SLC25A46: variants seen among roughly 807,000 people sequenced by gnomAD.
The protein encoded by SLC25A46 is solute carrier family 25 member 46.
In SLC25A46, 39 loss-of-function variants were observed where a neutral mutation model predicts 44.6. The observed-to-expected ratio is 0.87, with a 90% CI of 0.68 to 1.14. The LOEUF (loss-of-function observed/expected upper bound fraction) is 1.14, where lower values mean the gene tolerates loss of function less well. Among genes scored for constraint, SLC25A46 ranks in the 50% most tolerant of loss-of-function variants. SLC25A46 has a pLI of 0.00. For synonymous variants in SLC25A46, 202 were observed against 185.8 expected, an observed-to-expected ratio of 1.09 and a Z score of -0.71; for missense variants, 547 against 522.7, an observed-to-expected ratio of 1.05 and a Z score of -0.45.
In SLC25A46 at chr5:110,761,231, A is replaced by AT; in HGVS notation, c.710dup (p.Leu237PhefsTer5). On this transcript the variant is annotated frameshift_variant, in exon 8 of 8. Coordinates refer to ENST00000355943, the MANE Select transcript of SLC25A46 (RefSeq NM_138773.4). LOFTEE classifies it high-confidence loss of function. The surrounding 1 kb of genome is among the most constrained non-coding windows in gnomAD (Gnocchi z 5.3). ...TGAGATAATTCGAGATAATACTGGC[A>AT]TTTTGGAGTGTGTTAAAGAAGGAAT... 6.2e-7 allele frequency: 1 copy of AT among 1,608,268 alleles called. No individual in the cohort carries two copies. Among genetic ancestry groups the AT allele is most frequent in the Non-Finnish European group, 8.5e-7 (1 of 1,178,208 alleles).
chr5:110,744,355 A>G (rs947030493), intron 3 of SLC25A46, among the ~76,000 whole-genome samples: 3 of 152,202 alleles, frequency 2.0e-5, no homozygotes, highest in Non-Finnish European at 4.4e-5. Flanking sequence ...GTGAAATCAG[A>G]AATCATTTTA....
intron 7 of SLC25A46, among the ~76,000 whole-genome samples, chr5:110,758,853 A>G (rs1228757259): frequency 6.6e-6 from 1 of 152,132 alleles, no homozygotes; most frequent in Non-Finnish European, 1.5e-5. Context: ...CAATACTCAT[A>G]CAAGATTGTT....
chr5:110,758,019 G>A (rs1249253367), intron 7 of SLC25A46, among the ~76,000 whole-genome samples: 1 of 152,142 alleles, frequency 6.6e-6, no homozygotes, highest in African/African-American at 2.4e-5. Flanking sequence ...GGCTCACTAT[G>A]TGATAGGGTT....
At chr5:110,741,912 ATTTGAC>A in intron 1 of SLC25A46, 129 bp from the exon 2 acceptor site, 1 of 630,954 alleles carries the variant, frequency 1.6e-6, no homozygotes, top group Non-Finnish European at 2.7e-6. Flanking sequence ...CCCTATCAGA[ATTTGAC>A]TTTGAGGTTT....
chr5:110,750,893 A>G (rs1472518799), intron 5 of SLC25A46, among the ~76,000 whole-genome samples: 3 of 152,162 alleles, frequency 2.0e-5, no homozygotes, highest in Admixed American at 6.5e-5. Flanking sequence ...TGAAGGAATA[A>G]CATTAATTTC....
rs553250356 is a variant in SLC25A46 at position 110,739,746 on chromosome 5, TTTAA to T, written c.283+358_283+361del. Among the ~76,000 whole-genome samples, 247 of 152,226 alleles carry T rather than the reference TTTAA, an allele frequency of 1.6e-3. 4 individuals carry two copies. The highest frequency in any genetic ancestry group is 0.012 in the South Asian group (59 of 4,824). ...CACTTTGGCAGCTCTATTTTCTTGA[TTTAA>T]TTAATTAATTAATGTGTTTACTTGT... On this transcript the variant is annotated intron_variant, in intron 1 of 7. Transcript: ENST00000355943.
chr5:110,740,869 G>A (rs1057466306), intron 1 of SLC25A46, among the ~76,000 whole-genome samples: 1 of 152,116 alleles, frequency 6.6e-6, no homozygotes, highest in Non-Finnish European at 1.5e-5. Context: ...GGAGAATGGC[G>A]TGAACCCGGG....
In SLC25A46 at chr5:110,761,398, G is replaced by T; in HGVS notation, c.873G>T (p.Lys291Asn). 6.2e-7 allele frequency: 1 copy of T among 1,613,700 alleles called. No homozygotes were observed. The highest frequency in any genetic ancestry group is 1.1e-5 in the South Asian group (1 of 91,070). ...AGAAGTTTGTCCTACTAATTCTAAA[G>T]AGAAAGACTTACAATAGCCACCTAG... ...VIQKFVLLILKRKTYNSHLAE... is the reference protein window; with the variant it reads ...VIQKFVLLILNRKTYNSHLAE... The change falls in exon 8 of 8, where the codon AAG becomes AAT. Residue 291 changes from lysine to asparagine, a missense_variant. Coordinates refer to ENST00000355943, the MANE Select transcript of SLC25A46 (RefSeq NM_138773.4). This position sits in a 1 kb window ranked among gnomAD's most constrained non-coding sequence, Gnocchi z 5.3.
At chr5:110,744,160 A>G (rs1479897646) in intron 3 of SLC25A46, among the ~76,000 whole-genome samples, 1 of 152,176 alleles carries the variant, frequency 6.6e-6, no homozygotes, top group Non-Finnish European at 1.5e-5. Context: ...TTTCTCTCGT[A>G]TGCTTCTGCA....
At chr5:110,759,932 C>CA (rs1800206875) in intron 7 of SLC25A46, among the ~76,000 whole-genome samples, 1 of 152,092 alleles carries the variant, frequency 6.6e-6, no homozygotes, top group Non-Finnish European at 1.5e-5. Context: ...CTCCTCCACT[C>CA]ACGATGGGAT....
intron 1 of SLC25A46, among the ~76,000 whole-genome samples, chr5:110,740,713 A>T (rs1024970705): frequency 5.9e-5 from 9 of 152,156 alleles, no homozygotes; most frequent in African/African-American, 2.2e-4. Flanking sequence ...GCACTTTGGG[A>T]GGCCAAGGCG....
intron 5 of SLC25A46, among the ~76,000 whole-genome samples, chr5:110,749,841 G>A (rs1261545661): frequency 6.6e-6 from 1 of 151,962 alleles, no homozygotes; most frequent in Non-Finnish European, 1.5e-5. Context: ...TGAAAGGAAT[G>A]TTAATAGGTA....
rs968597110 is a variant in SLC25A46 at position 110,763,847 on chromosome 5, A to G, written c.*2065A>G. 5 of 151,868 alleles carry G rather than the reference A, an allele frequency of 3.3e-5. No homozygotes were observed. Among genetic ancestry groups the G allele is most frequent in the African/African-American group, 1.2e-4 (5 of 41,420 alleles). The allele number at this position is 151,868 out of a possible 1,614,324, so 9.4% of individuals were successfully genotyped here. Reference sequence around the variant, plus strand: ...TTAACATTAAAATTGAAATGTAGAAAGTAAAATATGAATAATTTTTTACAA... The same window carrying G: ...TTAACATTAAAATTGAAATGTAGAAGGTAAAATATGAATAATTTTTTACAA... On this transcript the variant is annotated 3_prime_UTR_variant, in exon 8 of 8. Coordinates refer to ENST00000355943, the MANE Select transcript of SLC25A46 (RefSeq NM_138773.4).
chr5:110,739,086 C>T lies in SLC25A46; in HGVS notation c.-34C>T. ...GTGGTGGCCCCGGTGGTGGTGGGCT[C>T]CGGGCGGGCTCGCGTCATCCTGCCC... On this transcript the variant is annotated 5_prime_UTR_variant, in exon 1 of 8. Coordinates refer to ENST00000355943, the MANE Select transcript of SLC25A46 (RefSeq NM_138773.4). The T allele has an allele frequency of 2.0e-6, 3 of 1,537,812 alleles. No homozygotes were observed. The highest frequency in any genetic ancestry group is 2.6e-6 in the Non-Finnish European group (3 of 1,145,174).
intron 2 of SLC25A46, 110 bp from the exon 3 acceptor site, chr5:110,743,620 C>T (rs538574746): frequency 1.1e-5 from 6 of 552,030 alleles, no homozygotes; most frequent in South Asian, 4.2e-5. Flanking sequence ...GAATGGAAAA[C>T]ATAAAATAAT....
In SLC25A46 at chr5:110,764,160, A is replaced by T. The variant is rs371089680; in HGVS notation, c.*2378A>T. 9 of 151,982 alleles carry T rather than the reference A, an allele frequency of 5.9e-5. 1 individual carries two copies. The highest frequency in any genetic ancestry group is 5.8e-4 in the East Asian group (3 of 5,152). 9.4% of individuals were successfully genotyped at this position (151,982 alleles called of 1,614,324 possible). A position where few individuals can be genotyped will look rare whatever the true frequency, so the allele number is the denominator to read the frequency against. On this transcript the variant is annotated 3_prime_UTR_variant, in exon 8 of 8. Coordinates refer to ENST00000355943, the MANE Select transcript of SLC25A46 (RefSeq NM_138773.4). ...GTTCCACAGGCCCACTGGTCCTCTT[A>T]TATAAGCCAAATTTTGGCCATGGAG... is the stretch of plus-strand genomic sequence containing the variant.
chr5:110,738,254 G>A (rs1345061281), upstream of SLC25A46: 2 of 1,286,582 alleles, frequency 1.6e-6, no homozygotes, highest in African/African-American at 3.0e-5. Flanking sequence ...ACAGGTAGTA[G>A]GGGACGCTCT....
At chr5:110,759,430 G>A (rs1337153951) in intron 7 of SLC25A46, among the ~76,000 whole-genome samples, 2 of 152,154 alleles carry the variant, frequency 1.3e-5, no homozygotes, top group Non-Finnish European at 2.9e-5. Context: ...TGCTTGAGAA[G>A]TAGGAAGGAT....
chr5:110,748,369 A>C lies in SLC25A46; in HGVS notation c.563+106A>C, dbSNP rs757386329. On this transcript the variant is annotated intron_variant, in intron 5 of 7. Coordinates refer to ENST00000355943, the MANE Select transcript of SLC25A46 (RefSeq NM_138773.4). ...TTACATGGGTATATTGTGTGATGCT[A>C]AAGTTTGGACTTCTAATGATCCTCT... 3.7e-5 allele frequency: 31 copies of C among 832,958 alleles called. No homozygotes were observed. The African/African-American group carries it at 3.9e-4, about 10-fold the overall frequency. 51.6% of individuals were successfully genotyped at this position (832,958 alleles called of 1,614,324 possible).
Sources: gnomAD v4.1 joint callset for allele counts (sites outside exome capture counted in the v4.1 genomes callset) on GRCh38, gnomAD v4.1.1 for gene constraint, Gnocchi (gnomAD v3.1) non-coding constraint, MANE v1.5 for transcripts, NCBI Gene and HGNC (gene_info 2026-07-23, HGNC 2026-07-21) for gene names.